The following CDK14 variants were observed in gnomAD, a reference collection of about 807,000 sequenced individuals.
CDK14 encodes the protein cyclin dependent kinase 14, also known as cyclin-dependent kinase 14.
CDK14 carries 34 observed loss-of-function variants against 60.7 expected under a neutral mutation model. That is an observed-to-expected ratio of 0.56 (90% CI 0.43 to 0.75). The LOEUF is 0.75. Ranked by LOEUF, CDK14 falls within the 30% of genes least tolerant of loss-of-function variation. CDK14 has a pLI of 0.00. For missense variants in CDK14, 482 were observed against 564.1 expected, an observed-to-expected ratio of 0.85 and a Z score of 1.47; for synonymous variants, 197 against 203.7, an observed-to-expected ratio of 0.97 and a Z score of 0.28.
intron 2 of CDK14, among the ~76,000 whole-genome samples, chr7:90,637,851 G>C (rs923061039): frequency 8.7e-5 from 13 of 150,172 alleles, no homozygotes; most frequent in Non-Finnish European, 1.8e-4. Flanking sequence ...AGGATAGTTA[G>C]CTGCTCTTGT....
At chr7:90,664,233 A>C (rs1800925759) in intron 2 of CDK14, among the ~76,000 whole-genome samples, 1 of 152,276 alleles carries the variant, frequency 6.6e-6, no homozygotes, top group African/African-American at 2.4e-5. Flanking sequence ...TCAAAACCAC[A>C]ATGAGATTCC....
intron 2 of CDK14, among the ~76,000 whole-genome samples, chr7:90,649,256 CT>C (rs1303940369): frequency 2.1e-5 from 1 of 47,318 alleles, no homozygotes; most frequent in South Asian, 7.7e-4. Flanking sequence ...TTCTTTCTTT[CT>C]TTCTTTCTTT....
rs184322405 is a variant in CDK14 at position 90,788,991 on chromosome 7, C to T, written c.465-1582C>T. ...GATACCAAATATTTATATTGGTATC[C>T]TCTATGTAGGATGCTTCTCCAATAT... On this transcript the variant is annotated intron_variant, in intron 4 of 14. Coordinates refer to ENST00000380050, the MANE Select transcript of CDK14 (RefSeq NM_001287135.2). Among the ~76,000 whole-genome samples, 1,299 of 152,172 alleles carry T rather than the reference C, an allele frequency of 8.5e-3. 8 individuals are homozygous for T. The highest frequency in any genetic ancestry group is 0.013 in the Non-Finnish European group (893 of 67,988).
At chr7:91,166,919 A>G (rs1801364007) in intron 14 of CDK14, among the ~76,000 whole-genome samples, 1 of 152,238 alleles carries the variant, frequency 6.6e-6, no homozygotes, top group South Asian at 2.1e-4. Flanking sequence ...ATTTGATAAT[A>G]TTATCCAGAA....
rs567720116 is a variant in CDK14, at chr7:90,763,287, C to T, written c.464+15512C>T. On this transcript the variant is annotated intron_variant, in intron 4 of 14. Coordinates refer to ENST00000380050, the MANE Select transcript of CDK14 (RefSeq NM_001287135.2). ...ATCACTAAGGATTCGATGATCTGATCAGTACTGCCAAAGTAAACAAAGTGG... is the reference window on the plus strand; with the variant it reads ...ATCACTAAGGATTCGATGATCTGATTAGTACTGCCAAAGTAAACAAAGTGG... 2.4e-4 allele frequency among the ~76,000 whole-genome samples: 36 copies of T among 152,256 alleles called. No individual in the cohort carries two copies. The South Asian group carries it at 7.5e-3, about 32-fold the overall frequency.
At chr7:90,669,744 C>T (rs888399880) in intron 2 of CDK14, among the ~76,000 whole-genome samples, 5 of 151,644 alleles carry the variant, frequency 3.3e-5, no homozygotes, top group Non-Finnish European at 7.4e-5. Flanking sequence ...GACTGTTATA[C>T]AGATCTAGTG....
intron 4 of CDK14, among the ~76,000 whole-genome samples, chr7:90,779,017 C>T (rs28496539): frequency 0.44 from 65,937 of 151,512 alleles, 15,140 homozygotes; most frequent in East Asian, 0.82. Flanking sequence ...CTTTGGTAGG[C>T]CGAGGGGTGG....
At chr7:91,201,639 G>A (rs963027809) in intron 14 of CDK14, among the ~76,000 whole-genome samples, 2 of 152,148 alleles carry the variant, frequency 1.3e-5, no homozygotes, top group Non-Finnish European at 2.9e-5. Flanking sequence ...CTGAGTGGGG[G>A]TCCTCAGCGA....
At chr7:90,910,654 C>T (rs1474439551) in intron 7 of CDK14, among the ~76,000 whole-genome samples, 1 of 151,994 alleles carries the variant, frequency 6.6e-6, no homozygotes, top group Non-Finnish European at 1.5e-5. Flanking sequence ...GTATGCTTGC[C>T]TTTTTGGATA....
intron 14 of CDK14, among the ~76,000 whole-genome samples, chr7:91,139,395 C>T (rs1006051167): frequency 3.3e-5 from 5 of 152,092 alleles, no homozygotes; most frequent in African/African-American, 7.2e-5. Flanking sequence ...TATATCTATA[C>T]TGAGTCACTT....
At chr7:91,172,798 C>A (rs186847985) in intron 14 of CDK14, among the ~76,000 whole-genome samples, 1 of 152,142 alleles carries the variant, frequency 6.6e-6, no homozygotes, top group African/African-American at 2.4e-5. Flanking sequence ...TTCACTTCTC[C>A]AGGAAGAGGT....
intron 4 of CDK14, among the ~76,000 whole-genome samples, chr7:90,781,205 A>G (rs1428733340): frequency 6.6e-6 from 1 of 152,192 alleles, no homozygotes; most frequent in Non-Finnish European, 1.5e-5. Flanking sequence ...TTGGCTGCAT[A>G]AATGTCTTCT....
intron 10 of CDK14, among the ~76,000 whole-genome samples, chr7:90,998,431 A>T (rs552676885): frequency 1.6e-4 from 24 of 152,322 alleles, no homozygotes; most frequent in African/African-American, 5.5e-4. Flanking sequence ...CCTTTCAGGA[A>T]TTTCATCTTC....
At chr7:90,798,824 C>T (rs369509681) in intron 5 of CDK14, among the ~76,000 whole-genome samples, 27 of 152,172 alleles carry the variant, frequency 1.8e-4, no homozygotes, top group African/African-American at 5.1e-4. Context: ...ATTCTGTCCT[C>T]GATGGCAGCT....
At chr7:90,845,371 TA>T (rs1790433209) in intron 5 of CDK14, among the ~76,000 whole-genome samples, 1 of 152,176 alleles carries the variant, frequency 6.6e-6, no homozygotes, top group Non-Finnish European at 1.5e-5. Context: ...CCACTTGTTT[TA>T]AAAGTTTAAT....
intron 11 of CDK14, among the ~76,000 whole-genome samples, chr7:91,049,674 A>G (rs895478314): frequency 5.9e-5 from 9 of 152,226 alleles, no homozygotes; most frequent in African/African-American, 2.2e-4. Flanking sequence ...AACATATGCT[A>G]ACCTAATTTC....
Position 91,171,292 on chromosome 7 carries a change from G to T in CDK14, c.*29-35873G>T, listed in dbSNP as rs75289231. Among the ~76,000 whole-genome samples the T allele has an allele frequency of 2.6e-5, 4 of 152,052 alleles. No homozygotes were observed. The East Asian group carries it at 7.9e-4, about 30-fold the overall frequency. On this transcript the variant is annotated intron_variant, in intron 14 of 14. Coordinates refer to ENST00000380050, the MANE Select transcript of CDK14 (RefSeq NM_001287135.2). ...TTGAACCCGGGAGGTGGAGCTTGCA[G>T]TGAGCCGAGATCGCGCCACTGCACT...
At chr7:90,952,826 C>T (rs1195713337) in intron 8 of CDK14, among the ~76,000 whole-genome samples, 1 of 152,128 alleles carries the variant, frequency 6.6e-6, no homozygotes, top group Non-Finnish European at 1.5e-5. Context: ...GCTAATTAAT[C>T]CTGTCCTACA....
chr7:91,181,173 A>G (rs1330563081), intron 14 of CDK14, among the ~76,000 whole-genome samples: 2 of 152,144 alleles, frequency 1.3e-5, no homozygotes, highest in Non-Finnish European at 2.9e-5. Flanking sequence ...ATGTTTTTAA[A>G]TTTATTTGAG....
Sources: allele counts gnomAD v4.1 joint callset (sites outside exome capture counted in the v4.1 genomes callset), GRCh38; gene constraint gnomAD v4.1.1; transcripts MANE v1.5; gene names NCBI Gene and HGNC (gene_info 2026-07-23, HGNC 2026-07-21).